The following EPHA10 variants were observed in gnomAD, a reference collection of about 807,000 sequenced individuals.
The protein encoded by EPHA10 is ephrin type-A receptor 10.
In EPHA10, 120 loss-of-function variants were observed where a neutral mutation model predicts 109.7. That is an observed-to-expected ratio of 1.09 (90% CI 0.94 to 1.27). The LOEUF is 1.27. EPHA10 is among the 50% of genes most tolerant of loss of function. The pLI is 0.00. For missense variants in EPHA10, 1,396 were observed against 1,411.1 expected (o/e 0.99, Z 0.17); for synonymous variants, 640 against 618.9 (o/e 1.03, Z -0.51).
chr1:37,719,720 A>T, intron 14 of EPHA10, 113 bp from the exon 15 acceptor site: 1 of 1,375,674 alleles, frequency 7.3e-7, no homozygotes, highest in Non-Finnish European at 1.0e-6. Flanking sequence ...ACATGCGCAC[A>T]CACAGACACA....
At chr1:37,730,490 A>T (rs1645963502) in intron 7 of EPHA10, among the ~76,000 whole-genome samples, 1 of 152,194 alleles carries the variant, frequency 6.6e-6, no homozygotes, top group African/African-American at 2.4e-5. Context: ...TGCTGTGCAC[A>T]CATCAGGGAA....
At position 37,761,904 on chromosome 1, in the gene EPHA10, GC is replaced by G; in HGVS notation, c.350del (p.Gly117AlafsTer28). 6.2e-7 allele frequency: 1 copy of G among 1,612,128 alleles called. No individual in the cohort carries two copies. The highest frequency in any genetic ancestry group is 8.5e-7 in the Non-Finnish European group (1 of 1,178,556). ...AGGTCTCCTTGCAGGTACCCGCGGC[GC>G]CAGGGATGCTGCTGCAGTCACGGAG... is the stretch of plus-strand genomic sequence containing the variant. ...FTLRDCSSIP[G>X]AAGTCKETFN... On this transcript the variant is annotated frameshift_variant, in exon 3 of 17. Coordinates refer to ENST00000373048, the MANE Select transcript of EPHA10 (RefSeq NM_001099439.2). LOFTEE classifies it high-confidence loss of function.
In EPHA10 at chr1:37,723,292, C is replaced by A. The variant is rs1250816023; in HGVS notation, c.1834+19G>T. 4.3e-6 allele frequency: 7 copies of A among 1,613,096 alleles called. No homozygotes were observed. Among genetic ancestry groups the A allele is most frequent in the Non-Finnish European group, 4.2e-6 (5 of 1,179,542 alleles). On this transcript the variant is annotated intron_variant, in intron 9 of 16. Coordinates refer to ENST00000373048, the MANE Select transcript of EPHA10 (RefSeq NM_001099439.2). ...CAGGGTGGAGCCCGCCCCTCCCCAG[C>A]CAGGCCCAGCCAACTCACAGTGGAA...
At chr1:37,728,076 G>C (rs532177776) in intron 7 of EPHA10, among the ~76,000 whole-genome samples, 1 of 152,188 alleles carries the variant, frequency 6.6e-6, no homozygotes, top group Non-Finnish European at 1.5e-5. Context: ...AAGCCAATGA[G>C]GAAGGCTTCA....
In EPHA10 at chr1:37,727,153, G is replaced by C; in HGVS notation, c.1721C>G (p.Ser574Trp). 6.2e-7 allele frequency: 1 copy of C among 1,613,044 alleles called. No homozygotes were observed. The highest frequency in any genetic ancestry group is 8.5e-7 in the Non-Finnish European group (1 of 1,179,504). ...CACGGAGCCCAGGACGAGGAGGGCC[G>C]AGATGGTCACTACGGTGACGACAAT... The part of the protein sequence containing the change: ...PAIVVTVVTI[S>W]ALLVLGSVMS... The change falls in exon 8 of 17, where the codon TCG (serine) becomes TGG (tryptophan). Residue 574 changes from serine (S) to tryptophan (W), a missense_variant. Ser to Trp is a radical substitution (Grantham distance 177). Transcript: ENST00000373048.
chr1:37,721,780 C>T lies in EPHA10; in HGVS notation c.2026G>A (p.Val676Met), dbSNP rs779253922. 32 of 1,611,716 alleles carry T rather than the reference C, an allele frequency of 2.0e-5. No homozygotes were observed. Among genetic ancestry groups the T allele is most frequent in the South Asian group, 4.4e-5 (4 of 90,920 alleles). ...GAGGCGCTGTCCCTCAGCATATGCA[C>T]GGCTACGAGCAGCTCCTGGCGACCG... The part of the protein sequence containing the change: ...LPGRQELLVA[V>M]HMLRDSASDS... The change falls in exon 11 of 17, where the codon GTG becomes ATG. Residue 676 changes from valine (V) to methionine (M), a missense_variant. Val to Met is a conservative substitution (Grantham distance 21, BLOSUM62 1). Transcript: ENST00000373048.
At chr1:37,749,914 T>G (rs1449935521) in intron 5 of EPHA10, among the ~76,000 whole-genome samples, 1 of 152,230 alleles carries the variant, frequency 6.6e-6, no homozygotes. Context: ...TACAGGCAAC[T>G]GTAACAGAAA....
chr1:37,726,781 G>A (rs1225111168), intron 8 of EPHA10, among the ~76,000 whole-genome samples: 1 of 152,218 alleles, frequency 6.6e-6, no homozygotes, highest in East Asian at 1.9e-4. Context: ...GGGGGCCTCT[G>A]AGCTCCTCCG....
chr1:37,721,051 A>T (rs1645786067), intron 11 of EPHA10, among the ~76,000 whole-genome samples: 1 of 152,142 alleles, frequency 6.6e-6, no homozygotes, highest in African/African-American at 2.4e-5. Flanking sequence ...GTCCAAGGTC[A>T]TGAGCTGCAA....
At chr1:37,743,045 G>A (rs1299359509) in intron 5 of EPHA10, among the ~76,000 whole-genome samples, 1 of 151,896 alleles carries the variant, frequency 6.6e-6, no homozygotes, top group Non-Finnish European at 1.5e-5. Context: ...GTTAGACTGA[G>A]ATTTATTGTT....
chr1:37,762,581 T>C (rs1646442808), intron 2 of EPHA10, among the ~76,000 whole-genome samples: 3 of 124,766 alleles, frequency 2.4e-5, no homozygotes, highest in African/African-American at 7.0e-5. Context: ...TCCTCACTTA[T>C]TCACTTTTTT....
At chr1:37,761,089 T>TA (rs74980924) in intron 3 of EPHA10, 6,161 of 909,818 alleles carry the variant, frequency 6.8e-3, no homozygotes, top group Middle Eastern at 9.4e-3. Context: ...CTCCTTATTT[T>TA]AAAAAAAAAA....
intron 6 of EPHA10, chr1:37,734,776 T>A (rs1335577423): frequency 2.7e-6 from 1 of 368,344 alleles, no homozygotes; most frequent in Non-Finnish European, 5.3e-6. Flanking sequence ...TACACTTTTT[T>A]ATATGACTGG....
Position 37,764,968 on chromosome 1 carries a change from G to A in EPHA10, c.99C>T (p.Ala33=). 6.2e-7 allele frequency: 1 copy of A among 1,606,314 alleles called. No homozygotes were observed. The highest frequency in any genetic ancestry group is 8.5e-7 in the Non-Finnish European group (1 of 1,177,502). The change falls in exon 1 of 17, where the codon GCC becomes GCT. Residue 33 remains alanine, a synonymous_variant. Transcript: ENST00000373048. The surrounding 1 kb of genome is among the most constrained non-coding windows in gnomAD (Gnocchi z 5.8). ...LLLGPWRPGT[A]EEVILLDSKA... is the part of the protein sequence containing the mutation. ...GCTCACCAGTCTTCTCACCTTCCTC[G>A]GCGGTCCCAGGCCGCCAGGGTCCCA...
chr1:37,715,775 T>C (rs935289432), downstream of EPHA10: 1 of 420,622 alleles, frequency 2.4e-6, no homozygotes, highest in South Asian at 2.0e-5. Flanking sequence ...GGGCACCCAG[T>C]TCCCCTCGGT....
intron 5 of EPHA10, among the ~76,000 whole-genome samples, chr1:37,735,666 C>T (rs1016252835): frequency 2.0e-5 from 3 of 151,998 alleles, no homozygotes; most frequent in African/African-American, 7.2e-5. Flanking sequence ...GCTGCTTGCC[C>T]ACCCCTTACA....
At chr1:37,757,989 C>A (rs895203977) in intron 3 of EPHA10, among the ~76,000 whole-genome samples, 1 of 152,198 alleles carries the variant, frequency 6.6e-6, no homozygotes, top group African/African-American at 2.4e-5. Flanking sequence ...TGTTGAAGGC[C>A]AGCCCCTCTG....
intron 5 of EPHA10, among the ~76,000 whole-genome samples, chr1:37,743,684 G>A (rs1252383967): frequency 6.6e-6 from 1 of 152,160 alleles, no homozygotes; most frequent in Non-Finnish European, 1.5e-5. Flanking sequence ...GATACTCAGT[G>A]TAAAATACTC....
chr1:37,736,859 AAAT>A (rs1437213207), intron 5 of EPHA10, among the ~76,000 whole-genome samples: 1 of 152,358 alleles, frequency 6.6e-6, no homozygotes, highest in South Asian at 2.1e-4. Flanking sequence ...ATAGCATCAA[AAAT>A]AATAAAATAC....
Sources: allele counts gnomAD v4.1 joint callset (sites outside exome capture counted in the v4.1 genomes callset), GRCh38; gene constraint gnomAD v4.1.1; non-coding constraint Gnocchi (gnomAD v3.1); transcripts MANE v1.5; gene names NCBI Gene and HGNC (gene_info 2026-07-23, HGNC 2026-07-21).